Variants in HACD4 observed in about 807,000 individuals in gnomAD.
HACD4 encodes 3-hydroxyacyl-CoA dehydratase 4.
In HACD4, 35 loss-of-function variants were observed where a neutral mutation model predicts 33.3. The ratio of observed to expected loss-of-function variants is 1.05; its 90% confidence interval spans 0.80 to 1.39. HACD4 has a LOEUF of 1.39. HACD4 is among the 40% of genes most tolerant of loss of function. The pLI, the probability that HACD4 is intolerant of heterozygous loss-of-function variation, is 0.00. For synonymous variants in HACD4, 118 were observed against 98.0 expected (o/e 1.20, Z -1.21); for missense variants, 323 against 276.5 (o/e 1.17, Z -1.19).
rs920118266 is a variant in HACD4, at chr9:21,018,794, T to C, written c.271-2784A>G. ...CATCTACTCAAAAGTGTGATAACTA[T>C]ATAATAAAAATGCTGGGCATTTTTA... is the stretch of plus-strand genomic sequence containing the variant. On this transcript the variant is annotated intron_variant, in intron 3 of 6. Transcript: ENST00000495827. 2.5e-4 allele frequency among the ~76,000 whole-genome samples: 37 copies of C among 147,278 alleles called. 1 individual carries two copies. Among genetic ancestry groups the C allele is most frequent in the Admixed American group, 1.6e-3 (23 of 14,298 alleles).
rs182833434 is a variant in HACD4, at chr9:21,013,199, T to C, written c.384-1504A>G. 2.2e-3 allele frequency among the ~76,000 whole-genome samples: 339 copies of C among 152,332 alleles called. 1 individual carries two copies. Among genetic ancestry groups the C allele is most frequent in the Non-Finnish European group, 2.1e-3 (144 of 68,028 alleles). On this transcript the variant is annotated intron_variant, in intron 4 of 6. Coordinates refer to ENST00000495827, the MANE Select transcript of HACD4 (RefSeq NM_001010915.5). ...TCCTATTTTTTTTCAAAGAGTTTCA[T>C]AGTTTTCCACTTATATGTGAGTGGT...
At chr9:21,016,214 T>C (rs534503180) in intron 3 of HACD4, among the ~76,000 whole-genome samples, 2 of 152,312 alleles carry the variant, frequency 1.3e-5, no homozygotes, top group South Asian at 4.1e-4. Flanking sequence ...ACAAATAATA[T>C]ATAATGAATG....
intron 3 of HACD4, among the ~76,000 whole-genome samples, chr9:21,021,281 T>G (rs7018476): frequency 9.2e-5 from 14 of 152,074 alleles, no homozygotes; most frequent in East Asian, 1.9e-4. Context: ...CATACTGAAT[T>G]GGCAAAAACT....
Position 21,026,671 on chromosome 9 carries a change from T to C in HACD4, c.195A>G (p.Gln65=), listed in dbSNP as rs1818069414. ...YAIGLVMRLC[Q]SVSLLELLHI... ...GCAGCAGTTCCAGGAGAGATACGGATTGGCAAAGTCGCATCACAAGTCCAA... is the reference window on the plus strand; with the variant it reads ...GCAGCAGTTCCAGGAGAGATACGGACTGGCAAAGTCGCATCACAAGTCCAA... Residue 65 remains glutamine, a synonymous_variant, in exon 3 of 7, where the codon CAA becomes CAG. Transcript: ENST00000495827. The C allele has an allele frequency of 1.9e-6, 3 of 1,613,504 alleles. No individual in the cohort carries two copies. The highest frequency in any genetic ancestry group is 2.5e-6 in the Non-Finnish European group (3 of 1,179,424).
intron 3 of HACD4, among the ~76,000 whole-genome samples, chr9:21,016,729 T>C (rs199690017): frequency 1.8e-5 from 1 of 55,606 alleles, no homozygotes; most frequent in East Asian, 6.3e-4. Context: ...TTGTGAAGGG[T>C]TTTGAAAGAC....
At position 21,005,336 on chromosome 9, in the gene HACD4, T is replaced by C. The variant is rs1302862053; in HGVS notation, c.*1701A>G. The C allele has an allele frequency of 6.6e-6, 1 of 152,226 alleles. No individual in the cohort carries two copies. The highest frequency in any genetic ancestry group is 2.4e-5 in the African/African-American group (1 of 41,468). 9.4% of individuals were successfully genotyped at this position (152,226 alleles called of 1,614,324 possible). The stretch of plus-strand genomic sequence containing the variant: ...TAAAAGATGTGGGAAATTATCAGTC[T>C]GTCTGCATTACAAAAAGATAAGAAA... On this transcript the variant is annotated 3_prime_UTR_variant, in exon 7 of 7. Transcript: ENST00000495827. This position sits in a 1 kb window ranked among gnomAD's most constrained non-coding sequence, Gnocchi z 4.0.
rs1037576336 is a variant in HACD4, at chr9:21,005,886, G to C, written c.*1151C>G. The C allele has an allele frequency of 6.6e-6, 1 of 152,212 alleles. No homozygotes were observed. 9.4% of individuals were successfully genotyped at this position (152,212 alleles called of 1,614,324 possible). A position where few individuals can be genotyped will look rare whatever the true frequency, so the allele number is the denominator to read the frequency against. ...TTCCTGTTTCTTGCTTTGGGAATAG[G>C]AATGTCCACCCTTTGTGTGTCCCAC... On this transcript the variant is annotated 3_prime_UTR_variant, in exon 7 of 7. Transcript: ENST00000495827. This position sits in a 1 kb window ranked among gnomAD's most constrained non-coding sequence, Gnocchi z 4.0.
chr9:21,029,263 T>G (rs1818142816), intron 2 of HACD4, 32 bp downstream of exon 2: 1 of 1,259,880 alleles, frequency 7.9e-7, no homozygotes, highest in Non-Finnish European at 1.2e-6. Flanking sequence ...GGATTAAAAG[T>G]TAAAAATAAA....
chr9:21,020,668 ATTTCT>A (rs1817886059), intron 3 of HACD4, among the ~76,000 whole-genome samples: 1 of 152,128 alleles, frequency 6.6e-6, no homozygotes, highest in Non-Finnish European at 1.5e-5. Context: ...TTATATTATC[ATTTCT>A]TTTATGCTTC....
intron 4 of HACD4, chr9:21,015,178 A>G (rs1842527331): frequency 1.3e-5 from 2 of 152,240 alleles, no homozygotes; most frequent in African/African-American, 2.4e-5. Flanking sequence ...GTTATTGACA[A>G]TATAATGAAA....
rs1490769885 is a variant in HACD4 at position 21,001,545 on chromosome 9, C to T, written c.*5492G>A. 2 of 146,332 alleles carry T rather than the reference C, an allele frequency of 1.4e-5. No homozygotes were observed. The highest frequency in any genetic ancestry group is 2.5e-5 in the African/African-American group (1 of 39,488). 9.1% of individuals were successfully genotyped at this position (146,332 alleles called of 1,614,324 possible). On this transcript the variant is annotated 3_prime_UTR_variant, in exon 7 of 7. Transcript: ENST00000495827. The stretch of plus-strand genomic sequence containing the variant: ...GAACAGCCAGATAATGACCAACAAA[C>T]TCCAAGTAGAATGAATTCCAAGAGA...
Position 21,000,775 on chromosome 9 carries a change from TC to T in HACD4, c.*6261del, listed in dbSNP as rs892848679. On this transcript the variant is annotated 3_prime_UTR_variant, in exon 7 of 7. Transcript: ENST00000495827. ...AGCATATTTTAACCTTAATTTTAAA[TC>T]ACTTTAACACTTTAGTACCATAAAA... The T allele has an allele frequency of 6.6e-6, 1 of 152,166 alleles. No individual in the cohort carries two copies. The highest frequency in any genetic ancestry group is 1.5e-5 in the Non-Finnish European group (1 of 68,000). The allele number at this position is 152,166 out of a possible 1,614,324, so 9.4% of individuals were successfully genotyped here. A position where few individuals can be genotyped will look rare whatever the true frequency, so the allele number is the denominator to read the frequency against.
intron 3 of HACD4, among the ~76,000 whole-genome samples, chr9:21,023,670 G>A (rs1817989537): frequency 1.3e-5 from 2 of 151,950 alleles, no homozygotes; most frequent in East Asian, 3.9e-4. Context: ...TGCCTCCAGG[G>A]TTCAAGTGAT....
chr9:21,018,361 C>T (rs1305119555), intron 3 of HACD4, among the ~76,000 whole-genome samples: 3 of 152,158 alleles, frequency 2.0e-5, no homozygotes, highest in Non-Finnish European at 4.4e-5. Context: ...CTGGAATCAA[C>T]ATCTAGACAA....
intron 2 of HACD4, among the ~76,000 whole-genome samples, chr9:21,027,830 A>G (rs1818102189): frequency 6.6e-6 from 1 of 152,206 alleles, no homozygotes; most frequent in Non-Finnish European, 1.5e-5. Context: ...TGGCAGGATA[A>G]TAACTGAGAA....
chr9:21,021,063 G>A (rs187263351), intron 3 of HACD4, among the ~76,000 whole-genome samples: 1 of 152,108 alleles, frequency 6.6e-6, no homozygotes, highest in Non-Finnish European at 1.5e-5. Flanking sequence ...GGGATGCAAG[G>A]CTGGTTCAAC....
intron 3 of HACD4, among the ~76,000 whole-genome samples, chr9:21,019,825 C>T (rs1817859227): frequency 6.6e-6 from 1 of 151,732 alleles, no homozygotes; most frequent in South Asian, 2.1e-4. Flanking sequence ...ATTCCAAGCT[C>T]AAAACTGGTG....
At chr9:21,016,682 A>G (rs1300775668) in intron 3 of HACD4, among the ~76,000 whole-genome samples, 1 of 151,594 alleles carries the variant, frequency 6.6e-6, no homozygotes, top group Non-Finnish European at 1.5e-5. Context: ...AGAAGGGAAT[A>G]AAAGGAGATG....
Position 21,006,820 on chromosome 9 carries a change from G to C in HACD4, c.*217C>G. 2.0e-6 allele frequency: 1 copy of C among 500,886 alleles called. No homozygotes were observed. Among genetic ancestry groups the C allele is most frequent in the Non-Finnish European group, 3.6e-6 (1 of 280,270 alleles). 31.0% of individuals were successfully genotyped at this position (500,886 alleles called of 1,614,324 possible). A position where few individuals can be genotyped will look rare whatever the true frequency, so the allele number is the denominator to read the frequency against. On this transcript the variant is annotated 3_prime_UTR_variant, in exon 7 of 7. Coordinates refer to ENST00000495827, the MANE Select transcript of HACD4 (RefSeq NM_001010915.5). This position sits in a 1 kb window ranked among gnomAD's most constrained non-coding sequence, Gnocchi z 4.6. ...AAAATCCAAATGAAGCAGGAATTTT[G>C]GTGAAGCAGGGTATGGAGAATATAT...
Sources: gnomAD v4.1 joint callset for allele counts (sites outside exome capture counted in the v4.1 genomes callset) on GRCh38, gnomAD v4.1.1 for gene constraint, Gnocchi (gnomAD v3.1) non-coding constraint, MANE v1.5 for transcripts, NCBI Gene and HGNC (gene_info 2026-07-23, HGNC 2026-07-21) for gene names.